Variants in TBRG1 observed in about 807,000 individuals in gnomAD.
TBRG1 encodes nuclear interactor of ARF and MDM2.
TBRG1 carries 31 observed loss-of-function variants against 44.0 expected under a neutral mutation model. The observed-to-expected ratio is 0.70, with a 90% CI of 0.53 to 0.95. The LOEUF (loss-of-function observed/expected upper bound fraction) is 0.95, where lower values mean the gene tolerates loss of function less well. Among genes scored for constraint, TBRG1 ranks in the 40% least tolerant of loss-of-function variants. The probability of loss-of-function intolerance (pLI) is 0.00; values close to 1 mark genes in which losing one functional copy is unlikely to be tolerated. For missense variants in TBRG1, 487 were observed against 496.1 expected (o/e 0.98, Z 0.18); for synonymous variants, 171 against 188.1 (o/e 0.91, Z 0.74).
Position 124,622,900 on chromosome 11 carries a change from G to A in TBRG1, c.-184G>A, listed in dbSNP as rs114302152. ...AGACACGGAAGTGCTGGGAGGCGCC[G>A]GGAGCCCGTTCGGTTGCGGGTGTCT... On this transcript the variant is annotated 5_prime_UTR_variant, in exon 1 of 9. Transcript: ENST00000441174. The A allele has an allele frequency of 3.7e-3, 2,255 of 614,674 alleles. 43 individuals carry two copies. The highest frequency in any genetic ancestry group is 0.036 in the African/African-American group (1,948 of 53,374). The allele number at this position is 614,674 out of a possible 1,614,324, so 38.1% of individuals were successfully genotyped here. A position where few individuals can be genotyped will look rare whatever the true frequency, so the allele number is the denominator to read the frequency against.
At chr11:124,623,536 A>G (rs764328016) in intron 1 of TBRG1, 69 of 429,136 alleles carry the variant, frequency 1.6e-4, no homozygotes, top group Admixed American at 1.3e-4. Context: ...ACTCTAGGAA[A>G]TGTGTTTGAT....
chr11:124,633,360 A>G lies in TBRG1; in HGVS notation c.*1122A>G, dbSNP rs1942652976. 1 of 152,220 alleles carries G rather than the reference A, an allele frequency of 6.6e-6. No individual in the cohort carries two copies. 9.4% of individuals were successfully genotyped at this position (152,220 alleles called of 1,614,324 possible). A position where few individuals can be genotyped will look rare whatever the true frequency, so the allele number is the denominator to read the frequency against. Reference sequence around the variant, plus strand: ...GTTTACTCTATCACCTAACACCTCAACACTACCTGTGGGATGCCTTAGTTA... The same window carrying G: ...GTTTACTCTATCACCTAACACCTCAGCACTACCTGTGGGATGCCTTAGTTA... On this transcript the variant is annotated 3_prime_UTR_variant, in exon 9 of 9. Coordinates refer to ENST00000441174, the MANE Select transcript of TBRG1 (RefSeq NM_032811.3).
intron 7 of TBRG1, 163 bp from the exon 8 acceptor site, chr11:124,631,112 C>T (rs574524066): frequency 1.4e-6 from 1 of 715,234 alleles, no homozygotes; most frequent in African/African-American, 1.8e-5. Flanking sequence ...TAATTTGTCA[C>T]TAAAGAGGCC....
intron 2 of TBRG1, 81 bp from the exon 3 acceptor site, chr11:124,625,590 C>G (rs557773439): frequency 7.7e-7 from 1 of 1,296,126 alleles, no homozygotes; most frequent in South Asian, 1.5e-5. Flanking sequence ...ATAATTCTGG[C>G]TTTTCCCAGT....
Position 124,622,891 on chromosome 11 carries a change from G to A in TBRG1, c.-193G>A. ...TTCCAAGACAGACACGGAAGTGCTG[G>A]GAGGCGCCGGGAGCCCGTTCGGTTG... On this transcript the variant is annotated 5_prime_UTR_variant, in exon 1 of 9. Transcript: ENST00000441174. The A allele has an allele frequency of 1.7e-6, 1 of 589,816 alleles. No homozygotes were observed. The highest frequency in any genetic ancestry group is 3.4e-5 in the Admixed American group (1 of 29,686). 36.5% of individuals were successfully genotyped at this position (589,816 alleles called of 1,614,324 possible).
At position 124,632,526 on chromosome 11, in the gene TBRG1, A is replaced by C. The variant is rs1251956459; in HGVS notation, c.*288A>C. On this transcript the variant is annotated 3_prime_UTR_variant, in exon 9 of 9. Transcript: ENST00000441174. The stretch of plus-strand genomic sequence containing the variant: ...AGTAAACTTCAGCCTCTTATAAACA[A>C]GAGTGATAGAGAGCTGCAGGCTGCT... 2 of 251,084 alleles carry C rather than the reference A, an allele frequency of 8.0e-6. No homozygotes were observed. The highest frequency in any genetic ancestry group is 1.5e-5 in the Non-Finnish European group (2 of 129,740). The allele number at this position is 251,084 out of a possible 1,614,324, so 15.6% of individuals were successfully genotyped here.
intron 2 of TBRG1, 135 bp downstream of exon 2, chr11:124,625,136 T>C: frequency 1.6e-6 from 1 of 633,332 alleles, no homozygotes; most frequent in Non-Finnish European, 2.7e-6. Context: ...GGCCACTTGA[T>C]CAAGCACAGA....
At chr11:124,624,376 A>AG (rs1942409560) in intron 1 of TBRG1, among the ~76,000 whole-genome samples, 3 of 148,276 alleles carry the variant, frequency 2.0e-5, no homozygotes, top group African/African-American at 7.8e-5. Flanking sequence ...AAAAAAAAAA[A>AG]AAAAAAAGAA....
Position 124,628,063 on chromosome 11 carries a change from TTTTATATATATATA to T in TBRG1, c.738+1015_738+1028del, listed in dbSNP as rs1161330230. 7.9e-5 allele frequency among the ~76,000 whole-genome samples: 7 copies of T among 89,080 alleles called. No homozygotes were observed. The East Asian group carries it at 1.6e-3, about 21-fold the overall frequency. 58.4% of individuals were successfully genotyped at this position (89,080 alleles called of 152,430 possible). On this transcript the variant is annotated intron_variant, in intron 5 of 8. Coordinates refer to ENST00000441174, the MANE Select transcript of TBRG1 (RefSeq NM_032811.3). Reference sequence around the variant, plus strand: ...TGTTCCAACTAACGTCAAGTAGCTGTTTTATATATATATATATATATATATATATATATATATAT... The same window carrying T: ...TGTTCCAACTAACGTCAAGTAGCTGTTATATATATATATATATATATATAT...
Position 124,630,369 on chromosome 11 carries a change from G to T in TBRG1, c.739-19G>T. On this transcript the variant is annotated intron_variant, in intron 5 of 8. Coordinates refer to ENST00000441174, the MANE Select transcript of TBRG1 (RefSeq NM_032811.3). Reference sequence around the variant, plus strand: ...TTCCTTCTTGAGGATTGATCTCATTGCTCGTTTGTCTTTCTCAGTTTGAAA... The same window carrying T: ...TTCCTTCTTGAGGATTGATCTCATTTCTCGTTTGTCTTTCTCAGTTTGAAA... The T allele has an allele frequency of 6.5e-7, 1 of 1,531,994 alleles. No homozygotes were observed. The highest frequency in any genetic ancestry group is 9.0e-7 in the Non-Finnish European group (1 of 1,105,328). 94.9% of individuals were successfully genotyped at this position (1,531,994 alleles called of 1,614,324 possible).
intron 1 of TBRG1, among the ~76,000 whole-genome samples, chr11:124,624,583 T>C (rs558390261): frequency 3.5e-4 from 54 of 152,332 alleles, no homozygotes; most frequent in Admixed American, 2.2e-3. Flanking sequence ...ATTTAAGCAG[T>C]ATGCCTTTTT....
Position 124,623,243 on chromosome 11 carries a change from A to ACC in TBRG1, c.150+12_150+13dup. ...CAAGGCCACGGTGTTTGTGAGTCTG[A>ACC]CCCACGTTCAGCCGGTCCCCTCCTG... is the stretch of plus-strand genomic sequence containing the variant. On this transcript the variant is annotated intron_variant, in intron 1 of 8. Transcript: ENST00000441174. The ACC allele has an allele frequency of 6.4e-7, 1 of 1,551,360 alleles. No homozygotes were observed. Among genetic ancestry groups the ACC allele is most frequent in the Non-Finnish European group, 8.7e-7 (1 of 1,146,982 alleles).
chr11:124,631,707 A>G (rs1039087465), intron 8 of TBRG1: 1 of 483,464 alleles, frequency 2.1e-6, no homozygotes, highest in Non-Finnish European at 3.7e-6. Flanking sequence ...CACCAGGGGA[A>G]AGTTTACTGT....
chr11:124,624,024 A>G (rs916995714), intron 1 of TBRG1, among the ~76,000 whole-genome samples: 5 of 152,360 alleles, frequency 3.3e-5, no homozygotes, highest in Non-Finnish European at 7.3e-5. Flanking sequence ...GGAAAGGTTC[A>G]GAAATTAGAA....
rs1942627978 is a variant in TBRG1, at chr11:124,632,074, A to G, written c.1091-19A>G. ...AGACTCCCGAGCAGCAGTGGAACTT[A>G]AGGAATTGTTTTCTCCAGGATCCTT... On this transcript the variant is annotated intron_variant, in intron 8 of 8. Coordinates refer to ENST00000441174, the MANE Select transcript of TBRG1 (RefSeq NM_032811.3). 2 of 1,612,788 alleles carry G rather than the reference A, an allele frequency of 1.2e-6. No homozygotes were observed. The highest frequency in any genetic ancestry group is 1.3e-5 in the African/African-American group (1 of 74,884).
chr11:124,628,185 G>T (rs1425501099), intron 5 of TBRG1, among the ~76,000 whole-genome samples: 1 of 140,668 alleles, frequency 7.1e-6, no homozygotes, highest in Non-Finnish European at 1.5e-5. Flanking sequence ...CTTTCCAGAT[G>T]ATTCCTTTTT....
rs1406539337 is a variant in TBRG1 at position 124,630,435 on chromosome 11, T to C, written c.786T>C (p.Ser262=). The part of the protein sequence containing the change: ...EDDPQNAIVS[S]SADACHAELL... ...ACCCCCAGAATGCCATTGTCAGCTC[T>C]TCTGCAGATGCTTGTCATGCAGAAC... The change falls in exon 6 of 9, where the codon TCT becomes TCC. Residue 262 remains serine (S), a synonymous_variant. Transcript: ENST00000441174. The C allele has an allele frequency of 6.2e-7, 1 of 1,613,980 alleles. No homozygotes were observed. Among genetic ancestry groups the C allele is most frequent in the Non-Finnish European group, 8.5e-7 (1 of 1,179,838 alleles).
rs1282197418 is a variant in TBRG1 at position 124,626,584 on chromosome 11, G to T, written c.566G>T (p.Gly189Val). The T allele has an allele frequency of 6.4e-7, 1 of 1,551,536 alleles. No homozygotes were observed. Among genetic ancestry groups the T allele is most frequent in the Non-Finnish European group, 8.7e-7 (1 of 1,146,962 alleles). Residue 189 changes from glycine (G) to valine (V), a missense_variant, in exon 4 of 9, where the codon GGT becomes GTT. Coordinates refer to ENST00000441174, the MANE Select transcript of TBRG1 (RefSeq NM_032811.3). Reference protein sequence around the residue: ...GRPVFPIGLGGLTVYSLGEII... With the variant: ...GRPVFPIGLGVLTVYSLGEII... ...CCTGTGTTCCCCATCGGACTAGGGG[G>T]TCTAACAGTATATAGCCTGGGGGAG... is the stretch of plus-strand genomic sequence containing the variant.
Position 124,626,515 on chromosome 11 carries a change from C to A in TBRG1, c.497C>A (p.Ala166Asp), listed in dbSNP as rs1327993919. Residue 166 changes from alanine to aspartate, a missense_variant, in exon 4 of 9, where the codon GCT becomes GAT. Ala to Asp is a moderately radical substitution (Grantham distance 126). Coordinates refer to ENST00000441174, the MANE Select transcript of TBRG1 (RefSeq NM_032811.3). ...AAGAAAAAGAAAATGGCGGGAGGTGCTCGCAAGCTGGTTCAGCCCATTGCC... is the reference window on the plus strand; with the variant it reads ...AAGAAAAAGAAAATGGCGGGAGGTGATCGCAAGCTGGTTCAGCCCATTGCC... Reference protein sequence around the residue: ...TCKKKKMAGGARKLVQPIALD... With the variant: ...TCKKKKMAGGDRKLVQPIALD... The A allele has an allele frequency of 6.5e-5, 101 of 1,549,568 alleles. No homozygotes were observed. The highest frequency in any genetic ancestry group is 8.5e-5 in the Non-Finnish European group (97 of 1,146,048).
Sources: gnomAD v4.1 joint callset for allele counts (sites outside exome capture counted in the v4.1 genomes callset) on GRCh38, gnomAD v4.1.1 for gene constraint, MANE v1.5 for transcripts, NCBI Gene and HGNC (gene_info 2026-07-23, HGNC 2026-07-21) for gene names.